PTPRN2: variants seen among roughly 807,000 people sequenced by gnomAD.
The protein encoded by PTPRN2 is protein tyrosine phosphatase receptor type N2, also known as receptor-type tyrosine-protein phosphatase N2.
PTPRN2 carries 74 observed loss-of-function variants against 118.8 expected under a neutral mutation model. The ratio of observed to expected loss-of-function variants is 0.62; its 90% CI spans 0.52 to 0.76. The LOEUF (loss-of-function observed/expected upper bound fraction) is 0.76, where lower values mean the gene tolerates loss of function less well. Among genes scored for constraint, PTPRN2 ranks in the 30% least tolerant of loss-of-function variants. PTPRN2 has a pLI of 0.00. For missense variants in PTPRN2, 1,481 were observed against 1,394.4 expected (o/e 1.06, Z -0.99); for synonymous variants, 641 against 608.0 (o/e 1.05, Z -0.80).
chr7:157,553,627 G>A (rs1798742607), intron 21 of PTPRN2, among the ~76,000 whole-genome samples: 1 of 152,222 alleles, frequency 6.6e-6, no homozygotes, highest in Non-Finnish European at 1.5e-5. Context: ...GGAGAACCGG[G>A]CGGAAATACA....
chr7:158,260,940 G>C (rs957379148), intron 3 of PTPRN2, among the ~76,000 whole-genome samples: 1 of 152,148 alleles, frequency 6.6e-6, no homozygotes, highest in Non-Finnish European at 1.5e-5. Flanking sequence ...GGAGAGAGGA[G>C]GCAGACGGGC....
chr7:158,027,813 C>G (rs368247988), intron 11 of PTPRN2: 1 of 152,110 alleles, frequency 6.6e-6, no homozygotes, highest in Non-Finnish European at 1.5e-5. Context: ...ACTGGGATGT[C>G]ATTTTCAAAG....
rs553094328 is a variant in PTPRN2 at position 158,391,032 on chromosome 7, G to C, written c.164-74100C>G. Reference sequence around the variant, plus strand: ...CCACTAATTCACCACTTCCAAATTCGAGGGGTGGAAATCATCCTAACTACA... The same window carrying C: ...CCACTAATTCACCACTTCCAAATTCCAGGGGTGGAAATCATCCTAACTACA... On this transcript the variant is annotated intron_variant, in intron 2 of 22. Transcript: ENST00000389418. Among the ~76,000 whole-genome samples, 53 of 152,270 alleles carry C rather than the reference G, an allele frequency of 3.5e-4. No individual in the cohort carries two copies. In the South Asian group the frequency reaches 6.8e-3, roughly 20 times the overall value.
intron 2 of PTPRN2, among the ~76,000 whole-genome samples, chr7:158,375,818 G>C (rs1171863492): frequency 6.6e-6 from 1 of 152,106 alleles, no homozygotes; most frequent in African/African-American, 2.4e-5. Context: ...CAGTCAGAAA[G>C]GAGATTGGCT....
chr7:157,953,225 G>A lies in PTPRN2; in HGVS notation c.1724-54488C>T, dbSNP rs567418211. ...CCCCAGCAGCTCTGGGGAGGGCTCC[G>A]TGTTCAATATGTGATGAGCTTTCGG... On this transcript the variant is annotated intron_variant, in intron 11 of 22. Coordinates refer to ENST00000389418, the MANE Select transcript of PTPRN2 (RefSeq NM_002847.5). This position sits in a 1 kb window ranked among gnomAD's most constrained non-coding sequence, Gnocchi z 4.6. Among the ~76,000 whole-genome samples, 1 of 152,228 alleles carries A rather than the reference G, an allele frequency of 6.6e-6. No homozygotes were observed. Among genetic ancestry groups the A allele is most frequent in the Non-Finnish European group, 1.5e-5 (1 of 68,036 alleles).
intron 13 of PTPRN2, among the ~76,000 whole-genome samples, chr7:157,664,586 GA>G (rs1563321276): frequency 6.6e-6 from 1 of 152,072 alleles, no homozygotes; most frequent in Non-Finnish European, 1.5e-5. Context: ...GCAACATAGT[GA>G]GACCCCATCT....
intron 14 of PTPRN2, among the ~76,000 whole-genome samples, chr7:157,631,364 C>T (rs115877457): frequency 7.0e-4 from 106 of 152,280 alleles, no homozygotes; most frequent in African/African-American, 2.1e-3. Flanking sequence ...GGTTTTGAGA[C>T]CGGGAACGCT....
chr7:157,859,783 C>T (rs1221503832), intron 12 of PTPRN2, among the ~76,000 whole-genome samples: 3 of 122,630 alleles, frequency 2.4e-5, no homozygotes, highest in Non-Finnish European at 3.5e-5. Flanking sequence ...GCCCCCCAGC[C>T]ACCACCCACA....
At chr7:158,557,043 C>T (rs1407791086) in intron 1 of PTPRN2, among the ~76,000 whole-genome samples, 66 of 121,524 alleles carry the variant, frequency 5.4e-4, no homozygotes, top group Middle Eastern at 9.1e-3. Context: ...AGGGCTCCCG[C>T]GCAGGTCACT....
At chr7:158,050,580 C>T (rs186690769) in intron 11 of PTPRN2, among the ~76,000 whole-genome samples, 75 of 152,322 alleles carry the variant, frequency 4.9e-4, no homozygotes, top group Middle Eastern at 3.4e-3. Context: ...CACAGCCTCC[C>T]GGCTTCCCTC....
intron 10 of PTPRN2, among the ~76,000 whole-genome samples, chr7:158,089,459 ATGAAGGAGGGAGTCTT>A (rs1813811628): frequency 1.6e-5 from 1 of 63,140 alleles, no homozygotes; most frequent in Non-Finnish European, 3.5e-5. Context: ...TCTTCCCCTG[ATGAAGGAGGGAGTCTT>A]CACACAAACC....
intron 12 of PTPRN2, among the ~76,000 whole-genome samples, chr7:157,883,533 C>T (rs560270439): frequency 1.4e-5 from 2 of 147,100 alleles, no homozygotes; most frequent in African/African-American, 5.0e-5. Context: ...GATCAGAACA[C>T]GTCACCCTAA....
intron 5 of PTPRN2, among the ~76,000 whole-genome samples, chr7:158,188,274 GTATGGGGAAGGCCGCCACGCTCGCCC>G (rs1825392598): frequency 5.2e-5 from 3 of 57,384 alleles, no homozygotes; most frequent in Admixed American, 2.1e-4. Context: ...CTCGCCCCCT[GTATGGGGAAGGCCGCCACGCTCGCCC>G]CCTGTATGGG....
chr7:157,936,934 C>T lies in PTPRN2; in HGVS notation c.1724-38197G>A, dbSNP rs151284332. Reference sequence around the variant, plus strand: ...GTCATGGGAATTTTCCTAAACATAGCCTCTTTCTCATCTGTAAAAAGTATT... The same window carrying T: ...GTCATGGGAATTTTCCTAAACATAGTCTCTTTCTCATCTGTAAAAAGTATT... On this transcript the variant is annotated intron_variant, in intron 11 of 22. Coordinates refer to ENST00000389418, the MANE Select transcript of PTPRN2 (RefSeq NM_002847.5). Among the ~76,000 whole-genome samples, 6 of 152,360 alleles carry T rather than the reference C, an allele frequency of 3.9e-5. No homozygotes were observed. The East Asian group carries it at 1.2e-3, about 29-fold the overall frequency.
At chr7:158,502,097 G>A (rs1453782221) in intron 1 of PTPRN2, among the ~76,000 whole-genome samples, 1 of 152,126 alleles carries the variant, frequency 6.6e-6, no homozygotes, top group Non-Finnish European at 1.5e-5. Context: ...TCCCAGGGCC[G>A]GGAGAAAAGT....
At chr7:158,378,947 T>A (rs1810751346) in intron 2 of PTPRN2, among the ~76,000 whole-genome samples, 1 of 152,226 alleles carries the variant, frequency 6.6e-6, no homozygotes, top group Non-Finnish European at 1.5e-5. Context: ...TCCTGTCATC[T>A]GTGAATTTGT....
At chr7:157,897,194 AG>A (rs1365950456) in intron 12 of PTPRN2, among the ~76,000 whole-genome samples, 2 of 152,142 alleles carry the variant, frequency 1.3e-5, no homozygotes, top group Non-Finnish European at 2.9e-5. Flanking sequence ...TGAGCTCGGA[AG>A]GGAGAGGAAA....
At chr7:158,335,489 T>C (rs1375293162) in intron 2 of PTPRN2, among the ~76,000 whole-genome samples, 1 of 49,328 alleles carries the variant, frequency 2.0e-5, no homozygotes, top group African/African-American at 7.4e-5. Context: ...AGCTGATGCC[T>C]GCAGACGTCA....
intron 11 of PTPRN2, among the ~76,000 whole-genome samples, chr7:158,050,485 T>A (rs1254205048): frequency 2.0e-5 from 3 of 152,218 alleles, no homozygotes; most frequent in African/African-American, 7.2e-5. Flanking sequence ...CCTCCTGCTG[T>A]TCTTAGAAGT....
Sources: gnomAD v4.1 joint callset for allele counts (sites outside exome capture counted in the v4.1 genomes callset) on GRCh38, gnomAD v4.1.1 for gene constraint, Gnocchi (gnomAD v3.1) non-coding constraint, MANE v1.5 for transcripts, NCBI Gene and HGNC (gene_info 2026-07-23, HGNC 2026-07-21) for gene names.